IL18R1: variants seen among roughly 807,000 people sequenced by gnomAD.
IL18R1 encodes interleukin 18 receptor 1.
A neutral mutation model predicts 48.5 loss-of-function variants in IL18R1; 40 were observed. The ratio of observed to expected loss-of-function variants is 0.82; its 90% CI spans 0.64 to 1.07. IL18R1 has a LOEUF of 1.07. Among genes scored for constraint, IL18R1 ranks in the 50% least tolerant of loss-of-function variants. IL18R1 has a pLI of 0.00. For missense variants in IL18R1, 596 were observed against 633.7 expected, an observed-to-expected ratio of 0.94 and a Z score of 0.64; for synonymous variants, 232 against 225.9, an observed-to-expected ratio of 1.03 and a Z score of -0.24.
intron 1 of IL18R1, among the ~76,000 whole-genome samples, chr2:102,358,295 G>C (rs1297518464): frequency 6.6e-6 from 1 of 152,198 alleles, no homozygotes; most frequent in African/African-American, 2.4e-5. Flanking sequence ...CAACTGGGCA[G>C]AGCCAGGGGT....
At chr2:102,392,852 A>G (rs1680625229) in intron 9 of IL18R1, among the ~76,000 whole-genome samples, 1 of 152,178 alleles carries the variant, frequency 6.6e-6, no homozygotes, top group African/African-American at 2.4e-5. Flanking sequence ...CATTACCATT[A>G]GTTTTCAAAT....
chr2:102,366,822 T>C (rs908977031), intron 2 of IL18R1, among the ~76,000 whole-genome samples: 1 of 152,164 alleles, frequency 6.6e-6, no homozygotes, highest in African/African-American at 2.4e-5. Context: ...AAATTCAAGA[T>C]GAGGTTTGGA....
chr2:102,371,732 C>A (rs368588438), intron 3 of IL18R1, among the ~76,000 whole-genome samples: 5 of 151,986 alleles, frequency 3.3e-5, no homozygotes, highest in African/African-American at 1.2e-4. Context: ...TGTGTGTAGA[C>A]TGCTTAGGTT....
intron 7 of IL18R1, among the ~76,000 whole-genome samples, chr2:102,385,707 T>C (rs545103367): frequency 1.3e-5 from 2 of 152,334 alleles, no homozygotes; most frequent in African/African-American, 4.8e-5. Context: ...ACAAGCTCTT[T>C]ACACCACAAA....
chr2:102,390,293 C>CACAATAAGATGAAGA, intron 9 of IL18R1, 76 bp downstream of exon 9: 1 of 1,301,412 alleles, frequency 7.7e-7, no homozygotes, highest in Non-Finnish European at 1.1e-6. Context: ...TAATCTTCAT[C>CACAATAAGATGAAGA]TTATTGTGAT....
chr2:102,357,733 T>C (rs529768044), intron 1 of IL18R1, among the ~76,000 whole-genome samples: 4 of 152,184 alleles, frequency 2.6e-5, no homozygotes, highest in Non-Finnish European at 4.4e-5. Flanking sequence ...GTGGCCCAGG[T>C]AGCACAGGCA....
chr2:102,370,591 G>A (rs1036587228), intron 3 of IL18R1, among the ~76,000 whole-genome samples: 3 of 152,174 alleles, frequency 2.0e-5, no homozygotes, highest in East Asian at 1.9e-4. Flanking sequence ...AAGGTGAAGG[G>A]GCCAGATTCA....
At chr2:102,374,700 C>T (rs1396846209) in intron 4 of IL18R1, among the ~76,000 whole-genome samples, 2 of 151,960 alleles carry the variant, frequency 1.3e-5, no homozygotes, top group Non-Finnish European at 2.9e-5. Flanking sequence ...ATCACTTGAA[C>T]CCGGGAGGCA....
intron 4 of IL18R1, among the ~76,000 whole-genome samples, chr2:102,373,734 C>A (rs1396308663): frequency 6.6e-6 from 1 of 152,142 alleles, no homozygotes; most frequent in Admixed American, 6.6e-5. Flanking sequence ...ATACGCAACA[C>A]AAATTGTGTA....
chr2:102,364,945 A>C (rs999038728), intron 2 of IL18R1, among the ~76,000 whole-genome samples: 1 of 152,190 alleles, frequency 6.6e-6, no homozygotes, highest in African/African-American at 2.4e-5. Context: ...AATCACCCCC[A>C]TGATTAAATT....
At chr2:102,391,837 G>A (rs185095724) in intron 9 of IL18R1, among the ~76,000 whole-genome samples, 1 of 152,266 alleles carries the variant, frequency 6.6e-6, no homozygotes, top group African/African-American at 2.4e-5. Flanking sequence ...ATTTGCATAA[G>A]GCTCAGCTGT....
At chr2:102,389,985 GCA>G (rs1234681520) in intron 8 of IL18R1, 69 bp from the exon 9 acceptor site, 7 of 1,488,144 alleles carry the variant, frequency 4.7e-6, no homozygotes, top group African/African-American at 1.4e-5. Context: ...AAATGGACAA[GCA>G]CGTGATGATG....
At chr2:102,393,767 A>G (rs115608591) in intron 9 of IL18R1, among the ~76,000 whole-genome samples, 267 of 152,334 alleles carry the variant, frequency 1.8e-3, no homozygotes, top group African/African-American at 5.8e-3. Context: ...ACAGATCCCA[A>G]TTAGCATCCA....
intron 2 of IL18R1, among the ~76,000 whole-genome samples, chr2:102,366,851 A>G (rs897501734): frequency 6.6e-6 from 1 of 152,210 alleles, no homozygotes; most frequent in Non-Finnish European, 1.5e-5. Context: ...CAGCCAAACC[A>G]TATCAGAATA....
At chr2:102,364,315 GA>G (rs1404330056) in intron 2 of IL18R1, among the ~76,000 whole-genome samples, 2 of 152,148 alleles carry the variant, frequency 1.3e-5, no homozygotes, top group Non-Finnish European at 2.9e-5. Flanking sequence ...GATAAATTGC[GA>G]AATGGTAACA....
intron 5 of IL18R1, among the ~76,000 whole-genome samples, chr2:102,376,701 A>C (rs6753717): frequency 0.77 from 117,746 of 152,048 alleles, 46,607 homozygotes; most frequent in African/African-American, 0.89. Context: ...GGGAGGGATG[A>C]TGGACCCAGG....
chr2:102,390,268 C>T (rs1180371845), intron 9 of IL18R1, 51 bp downstream of exon 9: 2 of 1,496,578 alleles, frequency 1.3e-6, no homozygotes, highest in Non-Finnish European at 1.9e-6. Flanking sequence ...ATTAAGAAAT[C>T]AGATAAATAG....
At chr2:102,358,602 A>T (rs1178235364) in intron 1 of IL18R1, among the ~76,000 whole-genome samples, 2 of 152,216 alleles carry the variant, frequency 1.3e-5, no homozygotes, top group African/African-American at 4.8e-5. Flanking sequence ...GAATACAAAT[A>T]AGTGCCCTAC....
At chr2:102,392,910 C>T (rs1381541428) in intron 9 of IL18R1, among the ~76,000 whole-genome samples, 1 of 151,954 alleles carries the variant, frequency 6.6e-6, no homozygotes, top group Non-Finnish European at 1.5e-5. Flanking sequence ...TCCCCTAAAC[C>T]TTTTAAAACC....
Sources: gnomAD v4.1 joint callset for allele counts (sites outside exome capture counted in the v4.1 genomes callset) on GRCh38, gnomAD v4.1.1 for gene constraint, MANE v1.5 for transcripts, NCBI Gene and HGNC (gene_info 2026-07-23, HGNC 2026-07-21) for gene names.